Variants in RHBDD1 observed in about 807,000 individuals in gnomAD.
The protein encoded by RHBDD1 is rhomboid domain containing 1.
Under a neutral mutation model 36.3 loss-of-function variants are expected in RHBDD1, and 38 were observed. That is an observed-to-expected ratio of 1.05 (90% CI 0.81 to 1.37). The LOEUF (loss-of-function observed/expected upper bound fraction) is 1.37, where lower values mean the gene tolerates loss of function less well. Ranked by LOEUF, RHBDD1 falls within the 40% of genes most tolerant of loss-of-function variation. RHBDD1 has a pLI of 0.00. For missense variants in RHBDD1, 393 were observed against 377.6 expected, an observed-to-expected ratio of 1.04 and a Z score of -0.34; for synonymous variants, 151 against 136.5, an observed-to-expected ratio of 1.11 and a Z score of -0.74.
intron 8 of RHBDD1, among the ~76,000 whole-genome samples, chr2:226,943,363 G>A (rs1444587759): frequency 6.6e-6 from 1 of 152,162 alleles, no homozygotes; most frequent in Non-Finnish European, 1.5e-5. Flanking sequence ...AGTCATAGGA[G>A]ACAGGTGAAA....
At chr2:226,808,815 C>G in the RHBDD1 span, among the ~76,000 whole-genome samples, 40 of 152,000 alleles carry the variant, frequency 2.6e-4, no homozygotes, top group Non-Finnish European at 4.3e-4. Flanking sequence ...ATGAGCCCAC[C>G]CAGATAAAAG....
In RHBDD1 at chr2:226,999,148, G is replaced by A. The variant is rs1339664786; in HGVS notation, c.*3626G>A. ...CTGTTTCTCTGTCTCTCCTCACAGT[G>A]CCTTGAGCAGTACGTTGTCTGGAAT... is the stretch of plus-strand genomic sequence containing the variant. On this transcript the variant is annotated 3_prime_UTR_variant, in exon 9 of 9. Coordinates refer to ENST00000392062, the MANE Select transcript of RHBDD1 (RefSeq NM_001167608.3). The A allele has an allele frequency of 6.6e-6, 1 of 152,216 alleles. No homozygotes were observed. Among genetic ancestry groups the A allele is most frequent in the Non-Finnish European group, 1.5e-5 (1 of 68,050 alleles). The allele number at this position is 152,216 out of a possible 1,614,324, so 9.4% of individuals were successfully genotyped here.
chr2:226,833,821 T>C (rs768011883), upstream of RHBDD1, among the ~76,000 whole-genome samples: 3 of 152,254 alleles, frequency 2.0e-5, no homozygotes, highest in Non-Finnish European at 2.9e-5. Context: ...ATTTAAGATA[T>C]ACAATTATTA....
intron 3 of RHBDD1, among the ~76,000 whole-genome samples, chr2:226,863,012 A>G (rs544478400): frequency 6.6e-6 from 1 of 152,306 alleles, no homozygotes; most frequent in South Asian, 2.1e-4. Context: ...CCCATGACCC[A>G]AACACCTCCC....
intron 5 of RHBDD1, among the ~76,000 whole-genome samples, chr2:226,887,586 A>G (rs1383762444): frequency 6.6e-6 from 1 of 152,252 alleles, no homozygotes; most frequent in East Asian, 1.9e-4. Flanking sequence ...ATGCACCAGT[A>G]GGTAAAAATA....
intron 8 of RHBDD1, among the ~76,000 whole-genome samples, chr2:226,946,279 T>C (rs541978697): frequency 1.7e-4 from 26 of 152,344 alleles, no homozygotes; most frequent in African/African-American, 6.0e-4. Flanking sequence ...TTTATGGTTT[T>C]AGGTCTTATG....
At chr2:226,867,373 A>G (rs919066330) in intron 5 of RHBDD1, 55 bp downstream of exon 5, 1 of 1,545,748 alleles carries the variant, frequency 6.5e-7, no homozygotes, top group Non-Finnish European at 8.7e-7. Context: ...CTGTGGAGAA[A>G]AAAATTGCAA....
At chr2:226,866,046 T>G (rs1348113689) in intron 4 of RHBDD1, among the ~76,000 whole-genome samples, 1 of 152,174 alleles carries the variant, frequency 6.6e-6, no homozygotes, top group Non-Finnish European at 1.5e-5. Context: ...CACATGGAGA[T>G]GGGATTATCT....
At chr2:226,952,753 A>G (rs1417781611) in intron 8 of RHBDD1, among the ~76,000 whole-genome samples, 1 of 152,234 alleles carries the variant, frequency 6.6e-6, no homozygotes, top group South Asian at 2.1e-4. Context: ...GTAAAGAAAG[A>G]TAAGAACCAA....
the RHBDD1 span, among the ~76,000 whole-genome samples, chr2:226,802,504 T>C: frequency 2.0e-5 from 3 of 152,244 alleles, no homozygotes; most frequent in African/African-American, 4.8e-5. Context: ...ATGTAATATA[T>C]AGAATAGAAA....
chr2:226,821,622 T>C, the RHBDD1 span, among the ~76,000 whole-genome samples: 6 of 152,036 alleles, frequency 3.9e-5, no homozygotes, highest in African/African-American at 1.4e-4. Context: ...TATTAAGTAA[T>C]TGTGAGTTGT....
rs578174443 is a variant in RHBDD1 at position 226,970,547 on chromosome 2, G to A, written c.857-24884G>A. Among the ~76,000 whole-genome samples the A allele has an allele frequency of 3.3e-5, 5 of 152,266 alleles. No homozygotes were observed. The East Asian group carries it at 9.7e-4, about 29-fold the overall frequency. On this transcript the variant is annotated intron_variant, in intron 8 of 8. Coordinates refer to ENST00000392062, the MANE Select transcript of RHBDD1 (RefSeq NM_001167608.3). Reference sequence around the variant, plus strand: ...GGCACGGAAGCAGCCTTATTTTTAGGCACTGGTAGAGGTCCATTTCTCTTC... The same window carrying A: ...GGCACGGAAGCAGCCTTATTTTTAGACACTGGTAGAGGTCCATTTCTCTTC...
At chr2:226,817,436 C>T in the RHBDD1 span, among the ~76,000 whole-genome samples, 1 of 152,168 alleles carries the variant, frequency 6.6e-6, no homozygotes, top group Non-Finnish European at 1.5e-5. Context: ...AGGTACATTA[C>T]ACTGATACTC....
intron 3 of RHBDD1, among the ~76,000 whole-genome samples, chr2:226,852,165 AGT>A (rs1246763009): frequency 6.6e-6 from 1 of 152,126 alleles, no homozygotes; most frequent in Non-Finnish European, 1.5e-5. Flanking sequence ...CTAACTTGAC[AGT>A]TTCTTTTGGT....
intron 5 of RHBDD1, among the ~76,000 whole-genome samples, chr2:226,903,925 C>T (rs1017748422): frequency 6.6e-6 from 1 of 152,100 alleles, no homozygotes; most frequent in African/African-American, 2.4e-5. Flanking sequence ...TTTACCTGGA[C>T]ATGATCGGAG....
At chr2:226,908,959 C>A in intron 7 of RHBDD1, 81 bp downstream of exon 7, 1 of 883,830 alleles carries the variant, frequency 1.1e-6, no homozygotes, top group Non-Finnish European at 1.8e-6. Flanking sequence ...CTTTAGGATA[C>A]TACTAGTTTC....
At position 226,880,308 on chromosome 2, in the gene RHBDD1, CTTAGATG is replaced by C. The variant is rs538906601; in HGVS notation, c.566+12993_566+12999del. On this transcript the variant is annotated intron_variant, in intron 5 of 8. Coordinates refer to ENST00000392062, the MANE Select transcript of RHBDD1 (RefSeq NM_001167608.3). ...TAGGGGACATTTTTCTTCTGCATTT[CTTAGATG>C]TTCATTTATATATTTCCTCCCTTTC... is the stretch of plus-strand genomic sequence containing the variant. Among the ~76,000 whole-genome samples the C allele has an allele frequency of 2.3e-3, 345 of 152,260 alleles. 2 individuals carry two copies. The highest frequency in any genetic ancestry group is 7.8e-3 in the African/African-American group (322 of 41,536).
At chr2:226,854,823 A>T (rs936833328) in intron 3 of RHBDD1, among the ~76,000 whole-genome samples, 9 of 152,252 alleles carry the variant, frequency 5.9e-5, no homozygotes, top group African/African-American at 1.9e-4. Context: ...CATTGAGTGG[A>T]TTGAGGTGGG....
In RHBDD1 at chr2:226,846,876, T is replaced by G. The variant is rs1942281109; in HGVS notation, c.-91+7249T>G. ...AATATGTAAGTACTATATATGTAAG[T>G]AAATGTGGCATTTTACCTTCAAAAG... On this transcript the variant is annotated intron_variant, in intron 3 of 8. Transcript: ENST00000392062. 3.9e-5 allele frequency among the ~76,000 whole-genome samples: 6 copies of G among 152,216 alleles called. No individual in the cohort carries two copies. In the South Asian group the frequency reaches 1.0e-3, roughly 26 times the overall value.
Sources: gnomAD v4.1 joint callset for allele counts (sites outside exome capture counted in the v4.1 genomes callset) on GRCh38, gnomAD v4.1.1 for gene constraint, MANE v1.5 for transcripts, NCBI Gene and HGNC (gene_info 2026-07-23, HGNC 2026-07-21) for gene names.